The following ADAMTS16 variants were observed in gnomAD, a reference collection of about 807,000 sequenced individuals.
ADAMTS16 encodes the protein A disintegrin and metalloproteinase with thrombospondin motifs 16.
ADAMTS16 carries 94 observed loss-of-function variants against 145.8 expected under a neutral mutation model. The observed-to-expected ratio is 0.64, with a 90% CI of 0.55 to 0.77. ADAMTS16 has a LOEUF of 0.77. ADAMTS16 is among the 30% of genes least tolerant of loss of function. The pLI, the probability that ADAMTS16 is intolerant of heterozygous loss-of-function variation, is 0.00. For synonymous variants in ADAMTS16, 659 were observed against 604.3 expected, an observed-to-expected ratio of 1.09 and a Z score of -1.33; for missense variants, 1,585 against 1,591.5, an observed-to-expected ratio of 1.00 and a Z score of 0.07.
intron 10 of ADAMTS16, among the ~76,000 whole-genome samples, chr5:5,215,056 A>T (rs1736380460): frequency 6.6e-6 from 1 of 152,198 alleles, no homozygotes; most frequent in Admixed American, 6.5e-5. Context: ...TGGATGGATG[A>T]TATTTTAGGA....
chr5:5,227,505 C>CTGTGTGTGTG, intron 11 of ADAMTS16, among the ~76,000 whole-genome samples: 1 of 148,474 alleles, frequency 6.7e-6, no homozygotes, highest in South Asian at 2.2e-4. Context: ...AGATCTAATA[C>CTGTGTGTGTG]TGTGTGTGTG....
intron 17 of ADAMTS16, among the ~76,000 whole-genome samples, chr5:5,245,281 C>T (rs1173287366): frequency 6.6e-6 from 1 of 152,108 alleles, no homozygotes; most frequent in Non-Finnish European, 1.5e-5. Flanking sequence ...GTTTTAACTG[C>T]TTGGATGATT....
At position 5,239,260 on chromosome 5, in the gene ADAMTS16, A is replaced by G. The variant is rs1225389525; in HGVS notation, c.2264A>G (p.His755Arg). 4.4e-6 allele frequency: 7 copies of G among 1,573,984 alleles called. No individual in the cohort carries two copies. Among genetic ancestry groups the G allele is most frequent in the Non-Finnish European group, 6.0e-6 (7 of 1,164,382 alleles). ...CTIHRGLYTK[H>R]HHTNQYYHMV... ...ATTCACAGGGGTCTCTACACCAAGC[A>G]CCACCACACCAACCGTGAGTACTTT... The change falls in exon 15 of 23, where the codon CAC becomes CGC. Residue 755 changes from histidine to arginine, a missense_variant. By Grantham distance (29) the His-to-Arg change is conservative. Coordinates refer to ENST00000274181, the MANE Select transcript of ADAMTS16 (RefSeq NM_139056.4).
Position 5,235,022 on chromosome 5 carries a change from A to T in ADAMTS16, c.1859A>T (p.His620Leu). Residue 620 changes from histidine to leucine, a missense_variant, in exon 13 of 23, where the codon CAT becomes CTT. Physicochemically the swap from His to Leu is moderately conservative, Grantham distance 99. Transcript: ENST00000274181. ...CAAAATACACATTCCAGGCCATCGC[A>T]TGGAGGGAAGTTCTGTGAGGGCTCC... ...SRLCTNPKPS[H>L]GGKFCEGSTR... The T allele has an allele frequency of 2.5e-6, 4 of 1,574,026 alleles. No individual in the cohort carries two copies. The highest frequency in any genetic ancestry group is 2.3e-5 in the South Asian group (2 of 87,216).
intron 9 of ADAMTS16, among the ~76,000 whole-genome samples, chr5:5,200,823 A>G (rs1735934175): frequency 6.6e-6 from 1 of 152,116 alleles, no homozygotes; most frequent in Non-Finnish European, 1.5e-5. Flanking sequence ...GTAATCTTCA[A>G]TAATATTTTT....
At position 5,294,002 on chromosome 5, in the gene ADAMTS16, G is replaced by T. The variant is rs565889402; in HGVS notation, c.2790-9266G>T. Among the ~76,000 whole-genome samples, 6 of 152,312 alleles carry T rather than the reference G, an allele frequency of 3.9e-5. No homozygotes were observed. The Middle Eastern group carries it at 0.01, about 259-fold the overall frequency. On this transcript the variant is annotated intron_variant, in intron 18 of 22. Transcript: ENST00000274181. ...GGAGGCCACAGGTCCATGTGTGTGA[G>T]CCCCGTGCCCTGGGAAATGGGGAGC...
chr5:5,167,340 G>A (rs1734910511), intron 3 of ADAMTS16, among the ~76,000 whole-genome samples: 1 of 152,184 alleles, frequency 6.6e-6, no homozygotes, highest in South Asian at 2.1e-4. Flanking sequence ...TTGTTCCACG[G>A]TATGGAATGA....
rs1305925156 is a variant in ADAMTS16, at chr5:5,186,052, A to G, written c.764A>G (p.Tyr255Cys). The change falls in exon 5 of 23, where the codon TAC becomes TGC. Residue 255 changes from tyrosine to cysteine, a missense_variant and splice_region_variant. By Grantham distance (194) the Tyr-to-Cys change is radical. Around this residue, in one of 3 missense-constraint regions of ADAMTS16, gnomAD observed 453 missense variants for 412.1 expected, o/e 1.10. Transcript: ENST00000274181. ...KQHFCGRRKKYMPQPPKEDLF... is the reference protein window; with the variant it reads ...KQHFCGRRKKCMPQPPKEDLF... ...TTGCCCTCCATGTGTCCCTCCATAGACATGCCCCAGCCTCCCAAGGAAGAC... is the reference window on the plus strand; with the variant it reads ...TTGCCCTCCATGTGTCCCTCCATAGGCATGCCCCAGCCTCCCAAGGAAGAC... 9 of 1,611,928 alleles carry G rather than the reference A, an allele frequency of 5.6e-6. No individual in the cohort carries two copies. In the South Asian group the frequency reaches 6.6e-5, roughly 12 times the overall value.
At chr5:5,154,400 T>C (rs188042514) in intron 3 of ADAMTS16, among the ~76,000 whole-genome samples, 1 of 152,340 alleles carries the variant, frequency 6.6e-6, no homozygotes, top group Admixed American at 6.5e-5. Context: ...AGAATAAATA[T>C]AATAGTGCAA....
intron 17 of ADAMTS16, among the ~76,000 whole-genome samples, chr5:5,248,385 C>T (rs891931239): frequency 1.3e-5 from 2 of 152,214 alleles, no homozygotes; most frequent in Non-Finnish European, 2.9e-5. Context: ...GCACATTGCT[C>T]ATCAAACTCA....
chr5:5,309,295 T>C (rs1740317580), intron 21 of ADAMTS16, among the ~76,000 whole-genome samples: 1 of 152,210 alleles, frequency 6.6e-6, no homozygotes, highest in Non-Finnish European at 1.5e-5. Flanking sequence ...ATGGCGTCAA[T>C]GTAGTAAGTG....
At chr5:5,203,854 G>A (rs762104766) in intron 9 of ADAMTS16, among the ~76,000 whole-genome samples, 7 of 152,104 alleles carry the variant, frequency 4.6e-5, no homozygotes, top group African/African-American at 1.2e-4. Context: ...GACCATCATC[G>A]CAGGGAACTT....
At chr5:5,227,368 C>A (rs924156546) in intron 11 of ADAMTS16, among the ~76,000 whole-genome samples, 4 of 152,158 alleles carry the variant, frequency 2.6e-5, no homozygotes, top group African/African-American at 7.2e-5. Flanking sequence ...CAATAAAATA[C>A]AAAACTGTGA....
At chr5:5,182,384 C>G in intron 4 of ADAMTS16, 79 bp downstream of exon 4, 1 of 1,525,828 alleles carries the variant, frequency 6.6e-7, no homozygotes, top group South Asian at 1.3e-5. Context: ...ACATTTTCTT[C>G]AAAGCATGTC....
intron 18 of ADAMTS16, among the ~76,000 whole-genome samples, chr5:5,265,427 G>A (rs1277608397): frequency 2.0e-5 from 3 of 152,182 alleles, no homozygotes; most frequent in East Asian, 1.9e-4. Flanking sequence ...GTGGAATCTC[G>A]GTTTGCCAAC....
intron 3 of ADAMTS16, among the ~76,000 whole-genome samples, chr5:5,159,449 C>T (rs1028510740): frequency 6.6e-6 from 1 of 152,160 alleles, no homozygotes. Flanking sequence ...GCCCTTAATA[C>T]AGGGCTTGGC....
chr5:5,203,907 G>T (rs1291109680), intron 9 of ADAMTS16, among the ~76,000 whole-genome samples: 1 of 152,136 alleles, frequency 6.6e-6, no homozygotes, highest in Non-Finnish European at 1.5e-5. Flanking sequence ...TCTGTTGATG[G>T]GAAAATGAGA....
At chr5:5,306,779 G>A in intron 21 of ADAMTS16, 51 bp downstream of exon 21, 1 of 1,495,872 alleles carries the variant, frequency 6.7e-7, no homozygotes, top group South Asian at 1.3e-5. Flanking sequence ...GCTTGGCCTG[G>A]GGTTGGCCGC....
chr5:5,236,613 AG>A (rs541069220), intron 13 of ADAMTS16, among the ~76,000 whole-genome samples: 1,069 of 10,774 alleles, frequency 0.099, 33 homozygotes, highest in East Asian at 0.49. Context: ...ACAAAATGGC[AG>A]TTTTTTTTTT....
Sources: gnomAD v4.1 joint callset for allele counts (sites outside exome capture counted in the v4.1 genomes callset) on GRCh38, gnomAD v4.1.1 for gene constraint, gnomAD v4.1.1 regional missense constraint, MANE v1.5 for transcripts, NCBI Gene and HGNC (gene_info 2026-07-23, HGNC 2026-07-21) for gene names.